SLC16A4: variants seen among roughly 807,000 people sequenced by gnomAD.
SLC16A4 encodes solute carrier family 16 member 4, also known as probable monocarboxylate transporter 5.
SLC16A4 carries 39 observed loss-of-function variants against 47.9 expected under a neutral mutation model. The observed-to-expected ratio is 0.81, with a 90% CI of 0.63 to 1.06. The LOEUF (loss-of-function observed/expected upper bound fraction) is 1.06. Ranked by LOEUF, SLC16A4 falls within the 50% of genes least tolerant of loss-of-function variation. The probability of loss-of-function intolerance (pLI) is 0.00; values close to 1 mark genes in which losing one functional copy is unlikely to be tolerated. For missense variants in SLC16A4, 524 were observed against 573.8 expected, an observed-to-expected ratio of 0.91 and a Z score of 0.89; for synonymous variants, 189 against 199.9, an observed-to-expected ratio of 0.95 and a Z score of 0.46.
intron 8 of SLC16A4, chr1:110,372,015 AT>A (rs1403772708): frequency 6.6e-6 from 1 of 152,150 alleles, no homozygotes; most frequent in Non-Finnish European, 1.5e-5. Flanking sequence ...TCTTGCCCGT[AT>A]TCTCTATATT....
At chr1:110,375,673 G>C in intron 7 of SLC16A4, 122 bp from the exon 8 acceptor site, 1 of 571,856 alleles carries the variant, frequency 1.7e-6, no homozygotes, top group Middle Eastern at 4.2e-4. Context: ...TCTGGGGTGA[G>C]TTGGTTGGCT....
intron 2 of SLC16A4, 96 bp downstream of exon 2, chr1:110,389,141 A>G: frequency 9.2e-7 from 1 of 1,091,048 alleles, no homozygotes; most frequent in Non-Finnish European, 1.4e-6. Context: ...GATGCCAAAG[A>G]TTTCCTAAGT....
intron 5 of SLC16A4, 66 bp from the exon 6 acceptor site, chr1:110,379,422 A>G (rs960936166): frequency 6.8e-7 from 1 of 1,462,338 alleles, no homozygotes; most frequent in African/African-American, 1.4e-5. Context: ...TTGTGTTCAT[A>G]GGCTCAGAAG....
intron 4 of SLC16A4, among the ~76,000 whole-genome samples, 173 bp from the exon 5 acceptor site, chr1:110,381,316 TAC>T (rs4024149): frequency 0.32 from 48,419 of 150,822 alleles, 8,763 homozygotes; most frequent in African/African-American, 0.48. Context: ...CATATATACA[TAC>T]ACACACACAC....
rs1557913543 is a variant in SLC16A4, at chr1:110,383,805, G to GGTTTTTTTT, written c.88-840_88-839insAAAAAAAAC. Among the ~76,000 whole-genome samples, 6 of 65,764 alleles carry GGTTTTTTTT rather than the reference G, an allele frequency of 9.1e-5. No homozygotes were observed. In the East Asian group the frequency reaches 1.6e-3, roughly 18 times the overall value. The allele number at this position is 65,764 out of a possible 152,430, so 43.1% of individuals were successfully genotyped here. A position where few individuals can be genotyped will look rare whatever the true frequency, so the allele number is the denominator to read the frequency against. On this transcript the variant is annotated intron_variant, in intron 2 of 8. Coordinates refer to ENST00000369779, the MANE Select transcript of SLC16A4 (RefSeq NM_004696.3). Reference sequence around the variant, plus strand: ...TTTTGGAAAGGGCTGTTAAAAGGAGGTTTTTTTTTTTTTTTTTTTTTTTTT... The same window carrying GGTTTTTTTT: ...TTTTGGAAAGGGCTGTTAAAAGGAGGGTTTTTTTTTTTTTTTTTTTTTTTTTTTTTTTTT...
intron 8 of SLC16A4, among the ~76,000 whole-genome samples, chr1:110,365,229 T>A (rs1661316299): frequency 6.6e-6 from 1 of 152,032 alleles, no homozygotes; most frequent in Non-Finnish European, 1.5e-5. Flanking sequence ...GAGCTTACAT[T>A]GTGTCTTTGA....
In SLC16A4 at chr1:110,378,987, G is replaced by T. The variant is rs1239495322; in HGVS notation, c.896C>A (p.Pro299His). The T allele has an allele frequency of 1.5e-5, 25 of 1,614,130 alleles. No individual in the cohort carries two copies. Among genetic ancestry groups the T allele is most frequent in the Non-Finnish European group, 2.1e-5 (25 of 1,180,000 alleles). Residue 299 changes from proline to histidine, a missense_variant, in exon 6 of 9, where the codon CCT (proline) becomes CAT (histidine). Coordinates refer to ENST00000369779, the MANE Select transcript of SLC16A4 (RefSeq NM_004696.3). Reference protein sequence around the residue: ...QLFDISLFRNPFFYIFTWSFL... With the variant: ...QLFDISLFRNHFFYIFTWSFL... ...AGACCAAGTAAATATGTAGAAGAAA[G>T]GATTTCTAAAGAGAGAAATGTCAAA...
chr1:110,367,731 C>T (rs576813628), intron 8 of SLC16A4, among the ~76,000 whole-genome samples: 13 of 151,946 alleles, frequency 8.6e-5, no homozygotes, highest in African/African-American at 2.9e-4. Flanking sequence ...GGAGAGAGAA[C>T]GAGTGTCTGA....
At chr1:110,367,215 C>T (rs74119244) in intron 8 of SLC16A4, among the ~76,000 whole-genome samples, 1 of 152,206 alleles carries the variant, frequency 6.6e-6, no homozygotes, top group Non-Finnish European at 1.5e-5. Flanking sequence ...AAGGATTGGC[C>T]AGGCACAGTG....
At chr1:110,366,794 G>A (rs188814171) in intron 8 of SLC16A4, among the ~76,000 whole-genome samples, 212 of 152,234 alleles carry the variant, frequency 1.4e-3, no homozygotes, top group African/African-American at 4.8e-3. Context: ...TTACCAGGGC[G>A]GGGAATTGTT....
At chr1:110,375,381 A>C (rs180959728) in intron 8 of SLC16A4, 77 bp downstream of exon 8, 2 of 829,880 alleles carry the variant, frequency 2.4e-6, no homozygotes, top group Middle Eastern at 4.4e-4. Context: ...CCATCATTAC[A>C]TGTTACCATT....
chr1:110,366,683 G>A (rs1437394738), intron 8 of SLC16A4, among the ~76,000 whole-genome samples: 1 of 152,166 alleles, frequency 6.6e-6, no homozygotes, highest in Non-Finnish European at 1.5e-5. Context: ...TATAGCCTAG[G>A]TGTGTGTAGG....
intron 8 of SLC16A4, 117 bp downstream of exon 8, chr1:110,375,341 C>T: frequency 1.5e-6 from 1 of 672,644 alleles, no homozygotes; most frequent in Non-Finnish European, 2.7e-6. Flanking sequence ...ATAGGAAAAG[C>T]AGAAATAATC....
chr1:110,383,023 A>G, intron 2 of SLC16A4, 57 bp from the exon 3 acceptor site: 1 of 1,458,112 alleles, frequency 6.9e-7, no homozygotes, highest in Non-Finnish European at 9.2e-7. Flanking sequence ...TTACAGAGGC[A>G]ATTACGGCTA....
chr1:110,379,153 TCTGCGTAGTACTGTC>T lies in SLC16A4; in HGVS notation c.715_729del (p.Asp239_Gln243del). The stretch of plus-strand genomic sequence containing the variant: ...AAATTTTTGCTAGGTAGTCCAGCCT[TCTGCGTAGTACTGTC>T]CTTGATGGTAGACTCTTCTGTCTCA... On this transcript the variant is annotated inframe_deletion, in exon 6 of 9. Transcript: ENST00000369779. 2 of 1,614,238 alleles carry T rather than the reference TCTGCGTAGTACTGTC, an allele frequency of 1.2e-6. No individual in the cohort carries two copies. The highest frequency in any genetic ancestry group is 4.5e-5 in the East Asian group (2 of 44,886).
At chr1:110,387,835 G>A (rs1298453591) in intron 2 of SLC16A4, among the ~76,000 whole-genome samples, 1 of 152,222 alleles carries the variant, frequency 6.6e-6, no homozygotes, top group African/African-American at 2.4e-5. Flanking sequence ...GGGGGAAAAT[G>A]AGATTGTTTA....
intron 8 of SLC16A4, among the ~76,000 whole-genome samples, chr1:110,373,624 G>A (rs1484233695): frequency 1.3e-5 from 2 of 151,316 alleles, no homozygotes; most frequent in Non-Finnish European, 2.9e-5. Flanking sequence ...TTTAGAATAA[G>A]TATGCCTTAA....
At chr1:110,372,227 A>C (rs1661723514) in intron 8 of SLC16A4, 1 of 152,172 alleles carries the variant, frequency 6.6e-6, no homozygotes, top group African/African-American at 2.4e-5. Flanking sequence ...ACCATTTTTA[A>C]CTAGTGTTTT....
intron 2 of SLC16A4, among the ~76,000 whole-genome samples, chr1:110,386,207 G>A (rs541084137): frequency 9.9e-5 from 15 of 152,268 alleles, no homozygotes; most frequent in African/African-American, 3.6e-4. Flanking sequence ...AACTGAGTCC[G>A]TGTCCACTAT....
Sources: allele counts gnomAD v4.1 joint callset (sites outside exome capture counted in the v4.1 genomes callset), GRCh38; gene constraint gnomAD v4.1.1; transcripts MANE v1.5; gene names NCBI Gene and HGNC (gene_info 2026-07-23, HGNC 2026-07-21).